Variants in HYAL1 observed in about 807,000 individuals in gnomAD.
The protein encoded by HYAL1 is hyaluronidase 1.
Under a neutral mutation model 28.8 loss-of-function variants are expected in HYAL1, and 21 were observed. That is an observed-to-expected ratio of 0.73 (90% CI 0.52 to 1.05). HYAL1 has a LOEUF of 1.05. Among genes scored for constraint, HYAL1 ranks in the 50% least tolerant of loss-of-function variants. The probability of loss-of-function intolerance (pLI) is 0.00; values close to 1 mark genes in which losing one functional copy is unlikely to be tolerated. For missense variants in HYAL1, 491 were observed against 579.2 expected (o/e 0.85, Z 1.56); for synonymous variants, 200 against 230.1 (o/e 0.87, Z 1.18).
In HYAL1 at chr3:50,300,635, T is replaced by A. The variant is rs781999703; in HGVS notation, c.1156A>T (p.Ser386Cys). 2.5e-6 allele frequency: 4 copies of A among 1,614,044 alleles called. No homozygotes were observed. Among genetic ancestry groups the A allele is most frequent in the Non-Finnish European group, 3.4e-6 (4 of 1,179,958 alleles). The change falls in exon 4 of 4, where the codon AGT (serine) becomes TGT (cysteine). Residue 386 changes from serine to cysteine, a missense_variant. Ser to Cys is a moderately radical substitution (Grantham distance 112). Transcript: ENST00000395144. ...CCAGGCGTGAGCTGGATGGAGAAAC[T>A]GGCAGGGTTAAGGAGGAGGAGGGCT... Reference protein sequence around the residue: ...PKALLLLNPASFSIQLTPGGG... With the variant: ...PKALLLLNPACFSIQLTPGGG...
upstream of HYAL1, among the ~76,000 whole-genome samples, chr3:50,304,837 T>C (rs950261220): frequency 6.6e-6 from 1 of 151,974 alleles, no homozygotes; most frequent in Non-Finnish European, 1.5e-5. Context: ...TAGGTGTGAG[T>C]GTGGAACCCA....
chr3:50,304,929 T>C (rs1475673620), upstream of HYAL1, among the ~76,000 whole-genome samples: 3 of 152,246 alleles, frequency 2.0e-5, no homozygotes, highest in Admixed American at 6.5e-5. Flanking sequence ...ATATGAGCTG[T>C]CAGTGAGCAC....
Position 50,300,252 on chromosome 3 carries a change from G to T in HYAL1, c.*231C>A. On this transcript the variant is annotated 3_prime_UTR_variant, in exon 4 of 4. Coordinates refer to ENST00000395144, the MANE Select transcript of HYAL1 (RefSeq NM_033159.4). ...GAGGAATTGTCTATGACCTTGCCAA[G>T]TAGATGCATATGGACATGGAATGAA... The T allele has an allele frequency of 1.7e-6, 1 of 585,878 alleles. No homozygotes were observed. Among genetic ancestry groups the T allele is most frequent in the Non-Finnish European group, 3.1e-6 (1 of 321,550 alleles). The allele number at this position is 585,878 out of a possible 1,614,324, so 36.3% of individuals were successfully genotyped here.
At chr3:50,307,097 T>C (rs1300805892), upstream of HYAL1, among the ~76,000 whole-genome samples, 1 of 144,926 alleles carries the variant, frequency 6.9e-6, no homozygotes, top group Admixed American at 6.9e-5. Flanking sequence ...CCGGGTGCAG[T>C]GGCTCACACA....
rs781902076 is a variant in HYAL1 at position 50,302,434 on chromosome 3, A to G, written c.523T>C (p.Phe175Leu). The G allele has an allele frequency of 4.3e-6, 7 of 1,613,798 alleles. No homozygotes were observed. Among genetic ancestry groups the G allele is most frequent in the Non-Finnish European group, 5.9e-6 (7 of 1,179,928 alleles). Residue 175 changes from phenylalanine to leucine, a missense_variant, in exon 2 of 4, where the codon TTC becomes CTC. Phe to Leu is a conservative substitution (Grantham distance 22). Transcript: ENST00000395144. This position sits in a 1 kb window ranked among gnomAD's most constrained non-coding sequence, Gnocchi z 5.0. Reference sequence around the variant, plus strand: ...ATCCAGGCCCGTGCAGCTCCCTGGAACTGGTCCTGGGCTACTGCCTCCACC... The same window carrying G: ...ATCCAGGCCCGTGCAGCTCCCTGGAGCTGGTCCTGGGCTACTGCCTCCACC... Reference protein sequence around the residue: ...PQVEAVAQDQFQGAARAWMAG... With the variant: ...PQVEAVAQDQLQGAARAWMAG...
upstream of HYAL1, among the ~76,000 whole-genome samples, chr3:50,304,830 G>A (rs1189876362): frequency 2.6e-5 from 4 of 152,142 alleles, no homozygotes; most frequent in African/African-American, 9.7e-5. Context: ...TGGCAAGTAG[G>A]TGTGAGTGTG....
chr3:50,299,985 A>C lies in HYAL1; in HGVS notation c.*498T>G. 4.5e-6 allele frequency: 1 copy of C among 221,740 alleles called. No individual in the cohort carries two copies. Among genetic ancestry groups the C allele is most frequent in the African/African-American group, 2.3e-5 (1 of 44,142 alleles). The allele number at this position is 221,740 out of a possible 1,614,324, so 13.7% of individuals were successfully genotyped here. A position where few individuals can be genotyped will look rare whatever the true frequency, so the allele number is the denominator to read the frequency against. On this transcript the variant is annotated 3_prime_UTR_variant, in exon 4 of 4. Transcript: ENST00000395144. ...TTACCACAAACTCAGTAGGAGTGCAAGGGCTGTACCCCCGGAGCTAGACAG... is the reference window on the plus strand; with the variant it reads ...TTACCACAAACTCAGTAGGAGTGCACGGGCTGTACCCCCGGAGCTAGACAG...
chr3:50,304,822 G>A (rs1702303686), upstream of HYAL1, among the ~76,000 whole-genome samples: 1 of 152,130 alleles, frequency 6.6e-6, no homozygotes, highest in South Asian at 2.1e-4. Context: ...AATTCCAGTG[G>A]CAAGTAGGTG....
At chr3:50,311,592 C>T (rs1214534460) in intron 1 of HYAL1, among the ~76,000 whole-genome samples, 18 of 139,968 alleles carry the variant, frequency 1.3e-4, no homozygotes, top group Non-Finnish European at 2.3e-4. Flanking sequence ...CACCTCCCTC[C>T]CGGACGGGGC....
upstream of HYAL1, among the ~76,000 whole-genome samples, chr3:50,306,655 G>A (rs1166095113): frequency 1.3e-5 from 2 of 151,182 alleles, no homozygotes; most frequent in Non-Finnish European, 2.9e-5. Flanking sequence ...GGGAGGCCGA[G>A]GTGGGCGGGT....
chr3:50,311,577 CCCCCCA>C (rs1702457358), intron 1 of HYAL1, among the ~76,000 whole-genome samples: 1 of 139,150 alleles, frequency 7.2e-6, no homozygotes, highest in Non-Finnish European at 1.6e-5. Context: ...GGGGGCTGAC[CCCCCCA>C]CCTCCCTCCC....
In HYAL1 at chr3:50,302,650, T is replaced by C. The variant is rs782391213; in HGVS notation, c.307A>G (p.Ile103Val). 1 of 1,614,034 alleles carries C rather than the reference T, an allele frequency of 6.2e-7. No individual in the cohort carries two copies. The highest frequency in any genetic ancestry group is 1.1e-5 in the South Asian group (1 of 91,074). The stretch of plus-strand genomic sequence containing the variant: ...TGGAATGTGCGGGCCAGGTGGGCAA[T>C]CAGGCTGGCATTCTGGGGCAGACCA... ...FGGLPQNASL[I>V]AHLARTFQDI... Residue 103 changes from isoleucine (I) to valine (V), a missense_variant, in exon 2 of 4, where the codon ATT becomes GTT. Ile to Val is a conservative substitution (Grantham distance 29). Transcript: ENST00000395144. This position sits in a 1 kb window ranked among gnomAD's most constrained non-coding sequence, Gnocchi z 5.0.
chr3:50,302,338 A>G lies in HYAL1; in HGVS notation c.619T>C (p.Cys207Arg). The change falls in exon 2 of 4, where the codon TGC (cysteine) becomes CGC (arginine). Residue 207 changes from cysteine (C) to arginine (R), a missense_variant. Physicochemically the swap from Cys to Arg is radical, Grantham distance 180. Coordinates refer to ENST00000395144, the MANE Select transcript of HYAL1 (RefSeq NM_033159.4). This position sits in a 1 kb window ranked among gnomAD's most constrained non-coding sequence, Gnocchi z 5.0. ...GGGCTTAGAAAGTCATAGTTGTAGCAGTCAGGGAAGCCATAGAAGCCCCAG... is the reference window on the plus strand; with the variant it reads ...GGGCTTAGAAAGTCATAGTTGTAGCGGTCAGGGAAGCCATAGAAGCCCCAG... ...GLWGFYGFPD[C>R]YNYDFLSPNY... 1.9e-6 allele frequency: 3 copies of G among 1,613,478 alleles called. No homozygotes were observed. Among genetic ancestry groups the G allele is most frequent in the Non-Finnish European group, 2.5e-6 (3 of 1,179,970 alleles).
chr3:50,306,157 C>T (rs1290459504), upstream of HYAL1, among the ~76,000 whole-genome samples: 1 of 150,818 alleles, frequency 6.6e-6, no homozygotes, highest in Non-Finnish European at 1.5e-5. Flanking sequence ...GGGAGCACCC[C>T]CTCCAGAGAA....
intron 1 of HYAL1, among the ~76,000 whole-genome samples, chr3:50,311,060 T>C (rs1165123848): frequency 1.3e-5 from 2 of 152,164 alleles, no homozygotes; most frequent in Non-Finnish European, 2.9e-5. Flanking sequence ...TTTCCCACCT[T>C]TCTAGTCCAC....
chr3:50,308,429 G>A (rs1414301901), upstream of HYAL1, among the ~76,000 whole-genome samples: 3 of 149,098 alleles, frequency 2.0e-5, no homozygotes, highest in East Asian at 2.0e-4. Flanking sequence ...GTCAGGCCAC[G>A]TTGTCGTATT....
At chr3:50,301,724 G>A (rs1249130718) in intron 2 of HYAL1, among the ~76,000 whole-genome samples, 1 of 152,084 alleles carries the variant, frequency 6.6e-6, no homozygotes, top group Non-Finnish European at 1.5e-5. Flanking sequence ...AGGCCGAGGC[G>A]GATGGATCAC....
intron 1 of HYAL1, among the ~76,000 whole-genome samples, chr3:50,311,175 A>G (rs1427792450): frequency 7.7e-4 from 106 of 138,024 alleles, no homozygotes; most frequent in African/African-American, 2.3e-3. Context: ...CAGTAGGGGC[A>G]GCCGGGCAGA....
intron 2 of HYAL1, 71 bp from the exon 3 acceptor site, chr3:50,301,148 G>A (rs1209242683): frequency 9.8e-7 from 1 of 1,021,466 alleles, no homozygotes; most frequent in Non-Finnish European, 1.5e-6. Context: ...AACACCATTA[G>A]ATGGGACAAA....
Sources: gnomAD v4.1 joint callset for allele counts (sites outside exome capture counted in the v4.1 genomes callset) on GRCh38, gnomAD v4.1.1 for gene constraint, Gnocchi (gnomAD v3.1) non-coding constraint, MANE v1.5 for transcripts, NCBI Gene and HGNC (gene_info 2026-07-23, HGNC 2026-07-21) for gene names.